RAD51B: variants seen among roughly 807,000 people sequenced by gnomAD.
RAD51B encodes DNA repair protein RAD51 homolog 2.
RAD51B carries 38 observed loss-of-function variants against 42.2 expected under a neutral mutation model. That is an observed-to-expected ratio of 0.90 (90% CI 0.70 to 1.18). RAD51B has a LOEUF of 1.18. RAD51B is among the 50% of genes most tolerant of loss of function. The probability of loss-of-function intolerance (pLI) is 0.00; values close to 1 mark genes in which losing one functional copy is unlikely to be tolerated. For synonymous variants in RAD51B, 154 were observed against 145.2 expected, an observed-to-expected ratio of 1.06 and a Z score of -0.43; for missense variants, 373 against 400.7, an observed-to-expected ratio of 0.93 and a Z score of 0.59.
At chr14:68,055,851 C>T (rs540948803) in intron 7 of RAD51B, among the ~76,000 whole-genome samples, 30 of 152,246 alleles carry the variant, frequency 2.0e-4, no homozygotes, top group Admixed American at 4.6e-4. Context: ...AGTCACAAAA[C>T]GTGAGTTTTA....
chr14:67,975,241 G>A (rs2074971014), intron 7 of RAD51B, among the ~76,000 whole-genome samples: 1 of 152,116 alleles, frequency 6.6e-6, no homozygotes, highest in South Asian at 2.1e-4. Context: ...TTATCACTTA[G>A]CACCTAATGG....
intron 7 of RAD51B, among the ~76,000 whole-genome samples, chr14:68,133,426 G>T (rs752915313): frequency 7.2e-5 from 11 of 152,140 alleles, no homozygotes; most frequent in Non-Finnish European, 1.3e-4. Context: ...GGAACCTGTG[G>T]CTTTAAAGTC....
chr14:68,261,787 C>T (rs184563292), intron 7 of RAD51B, among the ~76,000 whole-genome samples: 2 of 151,262 alleles, frequency 1.3e-5, no homozygotes, highest in Admixed American at 6.6e-5. Context: ...CTCACATTCA[C>T]CCCTTGCCCC....
chr14:68,505,981 G>C (rs1885288229), intron 10 of RAD51B, among the ~76,000 whole-genome samples: 1 of 152,154 alleles, frequency 6.6e-6, no homozygotes, highest in Admixed American at 6.5e-5. Flanking sequence ...AGCTTTTCTT[G>C]TGGGCCAAAA....
intron 10 of RAD51B, among the ~76,000 whole-genome samples, chr14:68,471,675 G>A (rs578029956): frequency 1.2e-3 from 172 of 145,704 alleles, no homozygotes; most frequent in African/African-American, 4.2e-3. Context: ...AATAGAAAGC[G>A]GAACTATTCT....
chr14:68,492,235 C>T lies in RAD51B; in HGVS notation c.1036+23985C>T, dbSNP rs538042682. Among the ~76,000 whole-genome samples the T allele has an allele frequency of 7.9e-5, 12 of 152,342 alleles. No individual in the cohort carries two copies. The South Asian group carries it at 2.5e-3, about 32-fold the overall frequency. On this transcript the variant is annotated intron_variant, in intron 10 of 10. Coordinates refer to the RAD51B transcript ENST00000487270. ...TTAAAATTGCAACCCGCTCTGCTTA[C>T]CCCCATCCTGCTCTACTTATATTTT...
At chr14:68,022,140 G>A (rs1021368998) in intron 7 of RAD51B, among the ~76,000 whole-genome samples, 9 of 152,140 alleles carry the variant, frequency 5.9e-5, no homozygotes, top group African/African-American at 2.2e-4. Context: ...ATGTTCATGT[G>A]TAGTCAATGT....
chr14:68,093,917 C>T (rs1022944555), intron 7 of RAD51B, among the ~76,000 whole-genome samples: 1 of 152,162 alleles, frequency 6.6e-6, no homozygotes, highest in Non-Finnish European at 1.5e-5. Flanking sequence ...GTCACTAAAT[C>T]CTGCCAGATT....
At chr14:68,595,160 T>G in exon 11 of RAD51B, 1 of 1,066,296 alleles carries the variant, frequency 9.4e-7, no homozygotes, top group Non-Finnish European at 1.1e-6. Context: ...TTCTCTTCCC[T>G]CCCAATTATC....
chr14:68,011,088 G>T (rs2075676350), intron 7 of RAD51B, among the ~76,000 whole-genome samples: 1 of 151,968 alleles, frequency 6.6e-6, no homozygotes, highest in Admixed American at 6.6e-5. Flanking sequence ...AATAGAGGAT[G>T]TTAATTTTTA....
intron 10 of RAD51B, among the ~76,000 whole-genome samples, chr14:68,617,257 G>A (rs1891844967): frequency 6.6e-6 from 1 of 152,152 alleles, no homozygotes; most frequent in South Asian, 2.1e-4. Flanking sequence ...TATTCCTTTA[G>A]AGGCTTGTTT....
At chr14:68,310,491 C>T (rs1047854259) in intron 8 of RAD51B, among the ~76,000 whole-genome samples, 13 of 152,290 alleles carry the variant, frequency 8.5e-5, no homozygotes, top group South Asian at 8.3e-4. Flanking sequence ...TTGTCAGTAT[C>T]ACCATCATAG....
chr14:67,962,633 T>TA (rs2074693555), intron 7 of RAD51B, among the ~76,000 whole-genome samples: 4 of 152,200 alleles, frequency 2.6e-5, no homozygotes, highest in Admixed American at 6.5e-5. Context: ...GCCACAGGCG[T>TA]ATCCTCTCAA....
Position 68,118,360 on chromosome 14 carries a change from A to G in RAD51B, c.757-173524A>G, listed in dbSNP as rs574990004. Among the ~76,000 whole-genome samples, 3 of 152,166 alleles carry G rather than the reference A, an allele frequency of 2.0e-5. No individual in the cohort carries two copies. In the South Asian group the frequency reaches 6.2e-4, roughly 32 times the overall value. ...TTCAGGATCTAATCCAGCATCCCACATTGCATTTAGTTGTCATGACTCCTT... is the reference window on the plus strand; with the variant it reads ...TTCAGGATCTAATCCAGCATCCCACGTTGCATTTAGTTGTCATGACTCCTT... On this transcript the variant is annotated intron_variant, in intron 7 of 10. Transcript: ENST00000471583.
intron 10 of RAD51B, among the ~76,000 whole-genome samples, chr14:68,589,829 C>G (rs1244615359): frequency 6.6e-6 from 1 of 152,184 alleles, no homozygotes; most frequent in Non-Finnish European, 1.5e-5. Context: ...CTAATGGTTA[C>G]AGGGATAGAA....
chr14:68,293,648 G>A (rs999880310), intron 8 of RAD51B, among the ~76,000 whole-genome samples: 4 of 151,982 alleles, frequency 2.6e-5, no homozygotes, highest in Non-Finnish European at 4.4e-5. Flanking sequence ...TCTGCTTCTC[G>A]TCCCACATCC....
chr14:68,482,120 GAAAGT>G (rs1883227440), downstream of RAD51B, among the ~76,000 whole-genome samples: 12 of 51,496 alleles, frequency 2.3e-4, no homozygotes, highest in South Asian at 0.024. Flanking sequence ...TACTTTTACT[GAAAGT>G]AATTACTTTT....
chr14:68,139,852 T>C (rs2078090590), intron 7 of RAD51B, among the ~76,000 whole-genome samples: 1 of 152,218 alleles, frequency 6.6e-6, no homozygotes, highest in Non-Finnish European at 1.5e-5. Flanking sequence ...ACCAGATCCC[T>C]GTTTTTGGCG....
At chr14:68,488,199 CTTTTT>C (rs201866707) in intron 10 of RAD51B, among the ~76,000 whole-genome samples, 103 of 108,288 alleles carry the variant, frequency 9.5e-4, no homozygotes, top group East Asian at 1.7e-3. Flanking sequence ...TAGGGTTTGT[CTTTTT>C]TTTTTTTTTT....
Sources: allele counts gnomAD v4.1 joint callset (sites outside exome capture counted in the v4.1 genomes callset), GRCh38; gene constraint gnomAD v4.1.1; transcripts MANE v1.5; gene names NCBI Gene and HGNC (gene_info 2026-07-23, HGNC 2026-07-21).